ROBO2: variants seen among roughly 807,000 people sequenced by gnomAD.
The protein encoded by ROBO2 is roundabout homolog 2.
Under a neutral mutation model 160.8 loss-of-function variants are expected in ROBO2, and 53 were observed. The observed-to-expected ratio is 0.33, with a 90% CI of 0.26 to 0.41. ROBO2 has a LOEUF of 0.41. Among genes scored for constraint, ROBO2 ranks in the 10% least tolerant of loss-of-function variants. The pLI is 1.00. For missense variants in ROBO2, 1,577 were observed against 1,722.4 expected (o/e 0.92, Z 1.49); for synonymous variants, 664 against 611.7 (o/e 1.09, Z -1.26).
chr3:76,269,335 C>T (rs1260514917), intron 2 of ROBO2, among the ~76,000 whole-genome samples: 1 of 151,954 alleles, frequency 6.6e-6, no homozygotes, highest in Non-Finnish European at 1.5e-5. Context: ...TAAATAAACA[C>T]ATGAAGCTTT....
intron 2 of ROBO2, among the ~76,000 whole-genome samples, chr3:76,664,518 G>A (rs1242467721): frequency 6.6e-6 from 1 of 152,226 alleles, no homozygotes; most frequent in Non-Finnish European, 1.5e-5. Context: ...TTTGGAAGTT[G>A]AGTATGGAGC....
chr3:75,966,676 G>T (rs1459880704), intron 2 of ROBO2, among the ~76,000 whole-genome samples: 1 of 151,606 alleles, frequency 6.6e-6, no homozygotes, highest in Non-Finnish European at 1.5e-5. Context: ...AAGACAATTT[G>T]TAAAATTGTC....
intron 2 of ROBO2, among the ~76,000 whole-genome samples, chr3:77,421,411 G>A (rs1036448233): frequency 6.6e-6 from 1 of 151,938 alleles, no homozygotes; most frequent in East Asian, 1.9e-4. Context: ...TCAACCTTAT[G>A]TTGTCAATAT....
At chr3:76,426,117 A>T (rs995954006) in intron 2 of ROBO2, among the ~76,000 whole-genome samples, 1 of 152,184 alleles carries the variant, frequency 6.6e-6, no homozygotes, top group Non-Finnish European at 1.5e-5. Flanking sequence ...TTCAATGTGG[A>T]TGAAGAGGAG....
At chr3:76,664,796 A>G (rs2091960774) in intron 2 of ROBO2, among the ~76,000 whole-genome samples, 1 of 152,222 alleles carries the variant, frequency 6.6e-6, no homozygotes, top group Non-Finnish European at 1.5e-5. Flanking sequence ...AATGGAATAA[A>G]GTGAAATATA....
intron 2 of ROBO2, among the ~76,000 whole-genome samples, chr3:75,947,969 A>T (rs1161058938): frequency 6.6e-6 from 1 of 152,068 alleles, no homozygotes; most frequent in African/African-American, 2.4e-5. Flanking sequence ...TGAAGTTGGA[A>T]GATCAAATCA....
chr3:77,538,125 A>AAG (rs2092256174), intron 6 of ROBO2, among the ~76,000 whole-genome samples: 1 of 151,272 alleles, frequency 6.6e-6, no homozygotes. Context: ...AAACAAAAAA[A>AAG]ATAGTTAATT....
intron 13 of ROBO2, among the ~76,000 whole-genome samples, chr3:77,570,982 A>G (rs2153667946): frequency 6.6e-6 from 1 of 152,186 alleles, no homozygotes; most frequent in Non-Finnish European, 1.5e-5. Flanking sequence ...GGCTGCTTTT[A>G]GAATGAGTGT....
chr3:76,448,157 A>G (rs2077295448), intron 2 of ROBO2, among the ~76,000 whole-genome samples: 1 of 152,104 alleles, frequency 6.6e-6, no homozygotes, highest in African/African-American at 2.4e-5. Context: ...TCCAAGCTGA[A>G]AAGGTTTTGA....
At chr3:77,344,799 C>A (rs2067453178) in intron 2 of ROBO2, among the ~76,000 whole-genome samples, 1 of 152,054 alleles carries the variant, frequency 6.6e-6, no homozygotes, top group Admixed American at 6.6e-5. Context: ...AATTTTCTCT[C>A]ATTTTATGTA....
intron 2 of ROBO2, among the ~76,000 whole-genome samples, chr3:76,676,978 C>T (rs910475679): frequency 2.0e-5 from 3 of 152,110 alleles, no homozygotes; most frequent in Admixed American, 2.0e-4. Flanking sequence ...TTTACTGTAT[C>T]ATTTAATAAA....
chr3:76,917,169 T>A (rs945271951), intron 2 of ROBO2, among the ~76,000 whole-genome samples: 1 of 152,180 alleles, frequency 6.6e-6, no homozygotes, highest in Non-Finnish European at 1.5e-5. Flanking sequence ...CAATAATGAT[T>A]CTACTTCATT....
At chr3:77,417,368 G>A (rs546615529) in intron 2 of ROBO2, among the ~76,000 whole-genome samples, 123 of 152,026 alleles carry the variant, frequency 8.1e-4, no homozygotes, top group Non-Finnish European at 1.4e-3. Context: ...TTAGAAGGAT[G>A]GTTAGGAGGA....
intron 2 of ROBO2, among the ~76,000 whole-genome samples, chr3:77,287,317 C>T (rs1369910184): frequency 5.3e-5 from 8 of 151,848 alleles, no homozygotes; most frequent in Admixed American, 2.0e-4. Flanking sequence ...TTTTTTTTAA[C>T]ATCGTTTATC....
intron 2 of ROBO2, among the ~76,000 whole-genome samples, chr3:76,326,454 AC>A (rs2073029700): frequency 1.3e-5 from 2 of 152,286 alleles, no homozygotes; most frequent in African/African-American, 4.8e-5. Flanking sequence ...GTGTATACAT[AC>A]CATGTACATA....
chr3:77,600,410 G>A (rs544886603), intron 19 of ROBO2, among the ~76,000 whole-genome samples: 1 of 152,262 alleles, frequency 6.6e-6, no homozygotes, highest in African/African-American at 2.4e-5. Flanking sequence ...TATCTAGCAG[G>A]GAGAGGAGAG....
chr3:76,007,681 T>C (rs773695542), intron 2 of ROBO2, among the ~76,000 whole-genome samples: 1 of 152,150 alleles, frequency 6.6e-6, no homozygotes, highest in Non-Finnish European at 1.5e-5. Context: ...TAAGTAAGGG[T>C]ATCCCATGAG....
At chr3:77,397,360 C>T (rs2075376136) in intron 2 of ROBO2, among the ~76,000 whole-genome samples, 1 of 152,120 alleles carries the variant, frequency 6.6e-6, no homozygotes, top group Admixed American at 6.6e-5. Flanking sequence ...ACCAGCCATA[C>T]CTGACAGCAA....
At chr3:76,788,779 G>A (rs1276260905) in intron 2 of ROBO2, among the ~76,000 whole-genome samples, 1 of 151,482 alleles carries the variant, frequency 6.6e-6, no homozygotes, top group Non-Finnish European at 1.5e-5. Flanking sequence ...TAATATTTCA[G>A]TAGTCGGGCC....
Sources: allele counts gnomAD v4.1 joint callset (sites outside exome capture counted in the v4.1 genomes callset), GRCh38; gene constraint gnomAD v4.1.1; transcripts MANE v1.5; gene names NCBI Gene and HGNC (gene_info 2026-07-23, HGNC 2026-07-21).